AHSA1: variants seen among roughly 807,000 people sequenced by gnomAD.
AHSA1 encodes activator of HSP90 ATPase activity 1.
In AHSA1, 14 loss-of-function variants were observed where a neutral mutation model predicts 46.1. The observed-to-expected ratio is 0.30, with a 90% CI of 0.20 to 0.47. AHSA1 has a LOEUF of 0.47. AHSA1 is among the 20% of genes least tolerant of loss of function. AHSA1 has a pLI of 0.99. For synonymous variants in AHSA1, 147 were observed against 145.8 expected, an observed-to-expected ratio of 1.01 and a Z score of -0.06; for missense variants, 333 against 415.9, an observed-to-expected ratio of 0.80 and a Z score of 1.73.
In AHSA1 at chr14:77,464,705, G is replaced by A. The variant is rs537449322; in HGVS notation, c.561+19G>A. On this transcript the variant is annotated intron_variant, in intron 5 of 8. Coordinates refer to ENST00000216479, the MANE Select transcript of AHSA1 (RefSeq NM_012111.3). Reference sequence around the variant, plus strand: ...GCGCAAGGTAAATGGTTTTCCTGGGGTGGGAGACTGTCTGCAAAGGAACTT... The same window carrying A: ...GCGCAAGGTAAATGGTTTTCCTGGGATGGGAGACTGTCTGCAAAGGAACTT... The A allele has an allele frequency of 1.2e-6, 2 of 1,605,878 alleles. No individual in the cohort carries two copies. Among genetic ancestry groups the A allele is most frequent in the South Asian group, 2.2e-5 (2 of 90,468 alleles).
upstream of AHSA1, chr14:77,458,011 G>T (rs2078992157): frequency 1.8e-6 from 1 of 546,860 alleles, no homozygotes; most frequent in African/African-American, 2.0e-5. Flanking sequence ...GAAGTAACCG[G>T]TGGGAGTGGG....
Position 77,469,407 on chromosome 14 carries a change from G to C in AHSA1, c.*158G>C. On this transcript the variant is annotated 3_prime_UTR_variant, in exon 9 of 9. Coordinates refer to ENST00000216479, the MANE Select transcript of AHSA1 (RefSeq NM_012111.3). ...TTGGGTTTGTGCATGTTTTCTGCTGGGTGGGTTCAGAGGGCAATTTCTCTT... is the reference window on the plus strand; with the variant it reads ...TTGGGTTTGTGCATGTTTTCTGCTGCGTGGGTTCAGAGGGCAATTTCTCTT... The C allele has an allele frequency of 1.3e-6, 1 of 797,654 alleles. No individual in the cohort carries two copies. The highest frequency in any genetic ancestry group is 1.9e-6 in the Non-Finnish European group (1 of 516,156). 49.4% of individuals were successfully genotyped at this position (797,654 alleles called of 1,614,324 possible).
chr14:77,462,905 C>A, intron 4 of AHSA1, 146 bp downstream of exon 4: 2 of 674,124 alleles, frequency 3.0e-6, no homozygotes, highest in Non-Finnish European at 5.3e-6. Context: ...AGTCCATAAG[C>A]TCGGAGTAAG....
chr14:77,459,854 C>A, intron 2 of AHSA1, 48 bp downstream of exon 2: 3 of 1,596,774 alleles, frequency 1.9e-6, no homozygotes, highest in Non-Finnish European at 2.6e-6. Flanking sequence ...TTTTGTTTAA[C>A]CTGTTAAGTA....
At chr14:77,464,781 C>G in intron 5 of AHSA1, 95 bp downstream of exon 5, 2 of 1,083,232 alleles carry the variant, frequency 1.8e-6, no homozygotes, top group South Asian at 3.1e-5. Context: ...TCCCTAACCT[C>G]TAAGCCAGAC....
At chr14:77,459,836 T>A in intron 2 of AHSA1, 30 bp downstream of exon 2, 4 of 1,611,216 alleles carry the variant, frequency 2.5e-6, no homozygotes, top group Non-Finnish European at 2.5e-6. Flanking sequence ...TCAGAGAGAT[T>A]AACTGTGTTT....
Position 77,458,131 on chromosome 14 carries a change from G to C in AHSA1, c.-59G>C. The C allele has an allele frequency of 1.4e-6, 2 of 1,425,984 alleles. No individual in the cohort carries two copies. Among genetic ancestry groups the C allele is most frequent in the African/African-American group, 1.5e-5 (1 of 66,612 alleles). The allele number at this position is 1,425,984 out of a possible 1,614,324, so 88.3% of individuals were successfully genotyped here. A position where few individuals can be genotyped will look rare whatever the true frequency, so the allele number is the denominator to read the frequency against. Reference sequence around the variant, plus strand: ...CGCTGCCGGGCGGCTGGCACTAAGCGGTCCTGAGGCTGTGGCTACGGCTGC... The same window carrying C: ...CGCTGCCGGGCGGCTGGCACTAAGCCGTCCTGAGGCTGTGGCTACGGCTGC... On this transcript the variant is annotated 5_prime_UTR_variant, in exon 1 of 9. Coordinates refer to ENST00000216479, the MANE Select transcript of AHSA1 (RefSeq NM_012111.3).
intron 6 of AHSA1, among the ~76,000 whole-genome samples, chr14:77,467,693 C>G (rs562409483): frequency 3.6e-4 from 49 of 135,726 alleles, no homozygotes; most frequent in African/African-American, 1.1e-3. Context: ...GACTCCGTCT[C>G]AATAAATAAA....
chr14:77,458,300 G>T, intron 1 of AHSA1, 31 bp downstream of exon 1: 1 of 1,538,932 alleles, frequency 6.5e-7, no homozygotes, highest in African/African-American at 1.4e-5. Context: ...CCGGCCTTGG[G>T]AGACCTGCGG....
intron 2 of AHSA1, among the ~76,000 whole-genome samples, chr14:77,460,923 GC>G (rs1566746152): frequency 1.3e-5 from 2 of 151,496 alleles, no homozygotes; most frequent in Non-Finnish European, 2.9e-5. Context: ...ACTTTGGGAG[GC>G]CAAGGTGGGC....
upstream of AHSA1, chr14:77,458,076 T>G: frequency 2.3e-6 from 2 of 877,802 alleles, no homozygotes; most frequent in South Asian, 4.1e-5. Context: ...AGCCAGGAGG[T>G]GCTTGCGGCC....
In AHSA1 at chr14:77,461,398, C is replaced by T. The variant is rs138567626; in HGVS notation, c.272-762C>T. ...TACAAAAATTAGCCGTGTGTAGTGG[C>T]ACGCACCTGTAATCCCAGCTACTTG... On this transcript the variant is annotated intron_variant, in intron 2 of 8. Transcript: ENST00000216479. Among the ~76,000 whole-genome samples, 49 of 152,240 alleles carry T rather than the reference C, an allele frequency of 3.2e-4. No homozygotes were observed. The South Asian group carries it at 4.6e-3, about 14-fold the overall frequency.
intron 4 of AHSA1, among the ~76,000 whole-genome samples, chr14:77,464,121 G>A (rs1218973397): frequency 1.3e-5 from 2 of 152,220 alleles, no homozygotes; most frequent in African/African-American, 2.4e-5. Flanking sequence ...GCTCACACCT[G>A]TAATCCCAGC....
intron 6 of AHSA1, among the ~76,000 whole-genome samples, chr14:77,467,597 A>C (rs2079052905): frequency 6.6e-6 from 1 of 152,120 alleles, no homozygotes; most frequent in Non-Finnish European, 1.5e-5. Flanking sequence ...CAGAGGCTGA[A>C]GCAGAGAATT....
At chr14:77,465,495 G>GT (rs2079044009) in intron 5 of AHSA1, 44 bp from the exon 6 acceptor site, 1 of 1,598,166 alleles carries the variant, frequency 6.3e-7, no homozygotes. Context: ...GATTGAGGTT[G>GT]TATCATTACT....
chr14:77,459,492 G>A (rs778240255), intron 1 of AHSA1, 124 bp from the exon 2 acceptor site: 1 of 906,916 alleles, frequency 1.1e-6, no homozygotes, highest in Non-Finnish European at 1.7e-6. Flanking sequence ...ACTGGAGTGC[G>A]ACTGGGAGTT....
chr14:77,459,688 T>C lies in AHSA1; in HGVS notation c.153T>C (p.Asn51=), dbSNP rs141484836. ...KTLFLAVQVQ[N]EEGKCEVTEV... ...TGTTCCTGGCAGTGCAGGTTCAAAA[T>C]GAAGAAGGCAAGTGTGAGGTGACGG... The change falls in exon 2 of 9, where the codon AAT becomes AAC. Residue 51 remains asparagine (N), a synonymous_variant. Coordinates refer to ENST00000216479, the MANE Select transcript of AHSA1 (RefSeq NM_012111.3). The C allele has an allele frequency of 4.0e-5, 65 of 1,614,078 alleles. No homozygotes were observed. Among genetic ancestry groups the C allele is most frequent in the Non-Finnish European group, 5.4e-5 (64 of 1,180,036 alleles).
At chr14:77,467,413 G>A (rs1275012839) in intron 6 of AHSA1, among the ~76,000 whole-genome samples, 3 of 151,210 alleles carry the variant, frequency 2.0e-5, no homozygotes, top group Non-Finnish European at 2.9e-5. Context: ...AAATAAAAGG[G>A]CTGGGCGCGG....
intron 2 of AHSA1, among the ~76,000 whole-genome samples, chr14:77,460,972 A>G (rs1422481032): frequency 6.6e-6 from 1 of 151,102 alleles, no homozygotes; most frequent in Non-Finnish European, 1.5e-5. Context: ...ATCCTGGCTG[A>G]CACAGTGAAA....
Sources: allele counts gnomAD v4.1 joint callset (sites outside exome capture counted in the v4.1 genomes callset), GRCh38; gene constraint gnomAD v4.1.1; transcripts MANE v1.5; gene names NCBI Gene and HGNC (gene_info 2026-07-23, HGNC 2026-07-21).